The following UBE2L6 variants were observed in gnomAD, a reference collection of about 807,000 sequenced individuals.
UBE2L6 encodes ubiquitin/ISG15-conjugating enzyme E2 L6.
Under a neutral mutation model 13.6 loss-of-function variants are expected in UBE2L6, and 11 were observed. The observed-to-expected ratio is 0.81, with a 90% CI of 0.51 to 1.34. The LOEUF (loss-of-function observed/expected upper bound fraction) is 1.34. UBE2L6 is among the 40% of genes most tolerant of loss of function. UBE2L6 has a pLI of 0.00. For missense variants in UBE2L6, 197 were observed against 199.5 expected (o/e 0.99, Z 0.07); for synonymous variants, 74 against 83.2 (o/e 0.89, Z 0.60).
intron 2 of UBE2L6, among the ~76,000 whole-genome samples, chr11:57,557,273 C>G (rs776262063): frequency 6.6e-6 from 1 of 151,862 alleles, no homozygotes; most frequent in South Asian, 2.1e-4. Context: ...GGCACCTGCT[C>G]GCTCTCTCTC....
At chr11:57,562,138 C>A (rs923102952) in intron 1 of UBE2L6, among the ~76,000 whole-genome samples, 6 of 152,230 alleles carry the variant, frequency 3.9e-5, no homozygotes, top group Non-Finnish European at 7.3e-5. Context: ...CACAAGCTGA[C>A]TGAAGGGCCT....
chr11:57,552,279 A>G lies in UBE2L6; in HGVS notation c.*79T>C. 6.4e-7 allele frequency: 1 copy of G among 1,568,466 alleles called. No individual in the cohort carries two copies. Among genetic ancestry groups the G allele is most frequent in the Non-Finnish European group, 8.7e-7 (1 of 1,151,452 alleles). On this transcript the variant is annotated 3_prime_UTR_variant, in exon 4 of 4. Transcript: ENST00000287156. ...GAAAAATGAATGGGGAATGGGCCAC[A>G]GGGGGCTCTGGCCTCAGTCCATGAG...
At chr11:57,560,651 C>T (rs572669869) in intron 1 of UBE2L6, 35 of 419,162 alleles carry the variant, frequency 8.3e-5, no homozygotes, top group Non-Finnish European at 6.1e-5. Flanking sequence ...GACAGAGTCT[C>T]GCTCTGTTGC....
Position 57,552,479 on chromosome 11 carries a change from C to T in UBE2L6, c.341G>A (p.Arg114Lys). The stretch of plus-strand genomic sequence containing the variant: ...CCGCAGGGGCTCCCTGATATTCGGT[C>T]TATTCACCAGCACATTGAGGGCCTC... Reference protein sequence around the residue: ...VLEALNVLVNRPNIREPLRMD... With the variant: ...VLEALNVLVNKPNIREPLRMD... Residue 114 changes from arginine to lysine, a missense_variant, in exon 4 of 4, where the codon AGA (arginine) becomes AAA (lysine). Arg to Lys is a conservative substitution (Grantham distance 26). Transcript: ENST00000287156. The T allele has an allele frequency of 6.2e-7, 1 of 1,614,194 alleles. No homozygotes were observed. The highest frequency in any genetic ancestry group is 8.5e-7 in the Non-Finnish European group (1 of 1,180,036).
chr11:57,559,526 G>T (rs571940476), intron 2 of UBE2L6, among the ~76,000 whole-genome samples: 8 of 152,074 alleles, frequency 5.3e-5, no homozygotes, highest in African/African-American at 1.7e-4. Context: ...CAGGAGAATC[G>T]CTTGAACCCC....
intron 1 of UBE2L6, among the ~76,000 whole-genome samples, chr11:57,563,878 G>A (rs1345702177): frequency 2.0e-5 from 3 of 152,050 alleles, no homozygotes; most frequent in Non-Finnish European, 4.4e-5. Context: ...CTCCATCCTG[G>A]GCAACAGAGC....
intron 1 of UBE2L6, among the ~76,000 whole-genome samples, chr11:57,565,972 C>T (rs1346119093): frequency 6.6e-6 from 1 of 151,072 alleles, no homozygotes; most frequent in African/African-American, 2.4e-5. Context: ...CCCTCCTATC[C>T]CTCAGCCTAT....
chr11:57,557,215 G>C (rs1185105479), intron 2 of UBE2L6, among the ~76,000 whole-genome samples: 2 of 152,130 alleles, frequency 1.3e-5, no homozygotes, highest in Non-Finnish European at 2.9e-5. Flanking sequence ...TCATAAGAGA[G>C]TTCTTACTCT....
Position 57,552,105 on chromosome 11 carries a change from C to T in UBE2L6, c.*253G>A. On this transcript the variant is annotated 3_prime_UTR_variant, in exon 4 of 4. Coordinates refer to ENST00000287156, the MANE Select transcript of UBE2L6 (RefSeq NM_004223.5). ...GGCCTGTAACTGCAAACTTAAACTCCCTTGGCTCTGGGGAATGTAAAGGGT... is the reference window on the plus strand; with the variant it reads ...GGCCTGTAACTGCAAACTTAAACTCTCTTGGCTCTGGGGAATGTAAAGGGT... 1 of 474,556 alleles carries T rather than the reference C, an allele frequency of 2.1e-6. No homozygotes were observed. The highest frequency in any genetic ancestry group is 3.7e-6 in the Non-Finnish European group (1 of 266,722). The allele number at this position is 474,556 out of a possible 1,614,324, so 29.4% of individuals were successfully genotyped here. A position where few individuals can be genotyped will look rare whatever the true frequency, so the allele number is the denominator to read the frequency against.
intron 1 of UBE2L6, among the ~76,000 whole-genome samples, chr11:57,566,833 T>C (rs1320355205): frequency 6.6e-6 from 1 of 152,112 alleles, no homozygotes; most frequent in Admixed American, 6.5e-5. Context: ...ACCCTGGGTT[T>C]TCCCACCTTC....
At chr11:57,553,421 G>A (rs1241966443) in intron 3 of UBE2L6, among the ~76,000 whole-genome samples, 1 of 152,274 alleles carries the variant, frequency 6.6e-6, no homozygotes, top group African/African-American at 2.4e-5. Context: ...TTGAGCCCAG[G>A]AGGTGGAGGT....
At chr11:57,554,679 C>A (rs1944984450) in intron 2 of UBE2L6, 56 bp from the exon 3 acceptor site, 1 of 1,600,206 alleles carries the variant, frequency 6.2e-7, no homozygotes, top group African/African-American at 1.3e-5. Context: ...CTTCCTGCCC[C>A]AATCCGAGGG....
chr11:57,556,856 C>G (rs964965540), intron 2 of UBE2L6, among the ~76,000 whole-genome samples: 17 of 151,764 alleles, frequency 1.1e-4, no homozygotes, highest in African/African-American at 4.1e-4. Flanking sequence ...GAGGCTGAGG[C>G]AGATGGATTG....
intron 1 of UBE2L6, among the ~76,000 whole-genome samples, chr11:57,564,916 A>G (rs889722581): frequency 6.6e-6 from 1 of 152,134 alleles, no homozygotes; most frequent in Non-Finnish European, 1.5e-5. Flanking sequence ...TATAATAACT[A>G]CAACAATTTT....
At chr11:57,561,755 T>C (rs950545800) in intron 1 of UBE2L6, among the ~76,000 whole-genome samples, 1 of 152,136 alleles carries the variant, frequency 6.6e-6, no homozygotes, top group African/African-American at 2.4e-5. Context: ...TTGTGTATGG[T>C]GATTGACCAA....
chr11:57,554,073 G>A (rs1025190483), intron 3 of UBE2L6, among the ~76,000 whole-genome samples: 6 of 152,142 alleles, frequency 3.9e-5, no homozygotes, highest in African/African-American at 1.4e-4. Flanking sequence ...TTATCATTAT[G>A]AGGCCAGTTC....
rs1945103132 is a variant in UBE2L6, at chr11:57,567,593, C to G, written c.19G>C (p.Val7Leu). Residue 7 changes from valine (V) to leucine (L), a missense_variant, in exon 1 of 4, where the codon GTG (valine) becomes CTG (leucine). Transcript: ENST00000287156. The stretch of plus-strand genomic sequence containing the variant: ...ATCCTATACGCGGTTACCTTCACCA[C>G]TCGCATGCTCGCCATCATGTCGGGA... MMASMR[V>L]VKELEDLQKK... 6.2e-7 allele frequency: 1 copy of G among 1,608,200 alleles called. No homozygotes were observed. Among genetic ancestry groups the G allele is most frequent in the Non-Finnish European group, 8.5e-7 (1 of 1,178,220 alleles).
At chr11:57,567,716 C>T (rs1027370294), upstream of UBE2L6, 23 of 1,401,962 alleles carry the variant, frequency 1.6e-5, no homozygotes, top group Admixed American at 2.1e-5. Flanking sequence ...CCGGCAGCCC[C>T]GCCCACCCCT....
chr11:57,554,721 G>T, intron 2 of UBE2L6, 98 bp from the exon 3 acceptor site: 1 of 1,325,100 alleles, frequency 7.5e-7, no homozygotes, highest in Non-Finnish European at 1.1e-6. Context: ...CTCCCAGGAG[G>T]AATCATGAGC....
Sources: gnomAD v4.1 joint callset for allele counts (sites outside exome capture counted in the v4.1 genomes callset) on GRCh38, gnomAD v4.1.1 for gene constraint, MANE v1.5 for transcripts, NCBI Gene and HGNC (gene_info 2026-07-23, HGNC 2026-07-21) for gene names.